The following GABRB3 variants were observed in gnomAD, a reference collection of about 807,000 sequenced individuals.
GABRB3 encodes gamma-aminobutyric acid type A receptor subunit beta3.
GABRB3 carries 14 observed loss-of-function variants against 52.1 expected under a neutral mutation model. That is an observed-to-expected ratio of 0.27 (90% CI 0.18 to 0.42). GABRB3 has a LOEUF of 0.42. Ranked by LOEUF, GABRB3 falls within the 10% of genes least tolerant of loss-of-function variation. The pLI is 1.00. For synonymous variants in GABRB3, 260 were observed against 232.3 expected (o/e 1.12, Z -1.08); for missense variants, 307 against 609.1 (o/e 0.50, Z 5.22).
chr15:26,591,419 C>G (rs1891200013), intron 4 of GABRB3, among the ~76,000 whole-genome samples: 1 of 152,204 alleles, frequency 6.6e-6, no homozygotes. Context: ...TGAAGCATAA[C>G]TCCACTACCA....
intron 3 of GABRB3, among the ~76,000 whole-genome samples, chr15:26,685,685 A>C (rs181348913): frequency 2.0e-5 from 3 of 152,290 alleles, no homozygotes; most frequent in African/African-American, 7.2e-5. Flanking sequence ...ATTATTAAAG[A>C]GATCTAGTGA....
intron 3 of GABRB3, among the ~76,000 whole-genome samples, chr15:26,744,923 T>C (rs1890298628): frequency 6.6e-6 from 1 of 152,316 alleles, no homozygotes; most frequent in African/African-American, 2.4e-5. Context: ...AACTTGGTAA[T>C]TTATAAGGAA....
chr15:26,634,686 A>G (rs554533171), intron 3 of GABRB3, among the ~76,000 whole-genome samples: 2 of 152,140 alleles, frequency 1.3e-5, no homozygotes, highest in Non-Finnish European at 2.9e-5. Flanking sequence ...ACACTCTATA[A>G]GGGAGCAGAT....
intron 3 of GABRB3, among the ~76,000 whole-genome samples, chr15:26,756,004 T>C (rs1332627410): frequency 6.6e-6 from 1 of 151,898 alleles, no homozygotes; most frequent in Non-Finnish European, 1.5e-5. Context: ...AGCACAAGAG[T>C]ATCTATAATA....
At position 26,615,890 on chromosome 15, in the gene GABRB3, G is replaced by C. The variant is rs148607086; in HGVS notation, c.461+5424C>G. ...ACAGCCAGTCCAACCAGTATTTCAA[G>C]CACATAATCAGTAGGAAAGCAATCT... On this transcript the variant is annotated intron_variant, in intron 4 of 8. Transcript: ENST00000311550. 562 of 1,262,102 alleles carry C rather than the reference G, an allele frequency of 4.5e-4. 2 individuals carry two copies. The African/African-American group carries it at 7.8e-3, about 18-fold the overall frequency. The allele number at this position is 1,262,102 out of a possible 1,614,324, so 78.2% of individuals were successfully genotyped here.
At chr15:26,736,002 T>C (rs1176196735) in intron 3 of GABRB3, among the ~76,000 whole-genome samples, 2 of 148,032 alleles carry the variant, frequency 1.4e-5, no homozygotes, top group East Asian at 1.9e-4. Flanking sequence ...TCCTATATAA[T>C]TCCATTTATA....
chr15:26,573,804 C>A (rs929799428), intron 6 of GABRB3, among the ~76,000 whole-genome samples: 3 of 152,178 alleles, frequency 2.0e-5, no homozygotes, highest in Non-Finnish European at 4.4e-5. Context: ...AATCTCAGCA[C>A]TTTGGGAGGC....
intron 3 of GABRB3, among the ~76,000 whole-genome samples, chr15:26,662,811 C>G (rs1040595801): frequency 4.6e-5 from 7 of 152,298 alleles, no homozygotes; most frequent in African/African-American, 1.7e-4. Flanking sequence ...AACACAGAGG[C>G]AACTCCAACA....
intron 3 of GABRB3, among the ~76,000 whole-genome samples, chr15:26,676,399 G>C (rs1198550008): frequency 2.0e-5 from 3 of 152,158 alleles, no homozygotes; most frequent in Non-Finnish European, 4.4e-5. Flanking sequence ...CCAACAAGGA[G>C]TGGACAGGCT....
chr15:26,583,920 G>A (rs375229455), intron 4 of GABRB3, among the ~76,000 whole-genome samples: 3 of 151,780 alleles, frequency 2.0e-5, no homozygotes, highest in Admixed American at 6.6e-5. Flanking sequence ...GACTACAGGC[G>A]CCTGCCACCA....
intron 3 of GABRB3, among the ~76,000 whole-genome samples, chr15:26,632,543 A>G (rs1336844740): frequency 6.6e-6 from 1 of 152,228 alleles, no homozygotes; most frequent in African/African-American, 2.4e-5. Context: ...GCACTGACCT[A>G]CATTCAGAGG....
chr15:26,602,362 G>T lies in GABRB3; in HGVS notation c.462-18948C>A, dbSNP rs537585899. 5.1e-4 allele frequency among the ~76,000 whole-genome samples: 77 copies of T among 152,148 alleles called. 1 individual carries two copies. The highest frequency in any genetic ancestry group is 1.8e-3 in the African/African-American group (74 of 41,542). On this transcript the variant is annotated intron_variant, in intron 4 of 8. Transcript: ENST00000311550. ...CATTGGACAAATCTCCCCGATAGAA[G>T]ATCAACAAAGAAACATAAGACTTAA...
chr15:26,568,071 T>G (rs903753055), intron 6 of GABRB3, among the ~76,000 whole-genome samples: 1 of 152,240 alleles, frequency 6.6e-6, no homozygotes, highest in Non-Finnish European at 1.5e-5. Flanking sequence ...CCTTCTTCCT[T>G]GTAGACAGCG....
At chr15:26,767,008 C>T (rs972643889) in intron 3 of GABRB3, 7 of 152,138 alleles carry the variant, frequency 4.6e-5, no homozygotes, top group Non-Finnish European at 1.0e-4. Context: ...TACTAAAGAG[C>T]GTATTATATA....
At chr15:26,551,230 GGAA>G (rs1405894717) in intron 8 of GABRB3, among the ~76,000 whole-genome samples, 9 of 152,182 alleles carry the variant, frequency 5.9e-5, no homozygotes, top group South Asian at 2.1e-4. Flanking sequence ...TTAGGAAACA[GGAA>G]GAAGAGTACT....
chr15:26,591,663 C>T (rs75890664), intron 4 of GABRB3, among the ~76,000 whole-genome samples: 2,430 of 152,180 alleles, frequency 0.016, 63 homozygotes, highest in African/African-American at 0.055. Flanking sequence ...TTCAACCCTC[C>T]GAAGAGGAAG....
Position 26,544,102 on chromosome 15 carries a change from G to A in GABRB3, c.*3691C>T, listed in dbSNP as rs1472649254. 6.6e-6 allele frequency: 1 copy of A among 152,412 alleles called. No homozygotes were observed. Among genetic ancestry groups the A allele is most frequent in the Non-Finnish European group, 1.5e-5 (1 of 68,022 alleles). 9.4% of individuals were successfully genotyped at this position (152,412 alleles called of 1,614,324 possible). A position where few individuals can be genotyped will look rare whatever the true frequency, so the allele number is the denominator to read the frequency against. On this transcript the variant is annotated 3_prime_UTR_variant, in exon 9 of 9. Transcript: ENST00000311550. The stretch of plus-strand genomic sequence containing the variant: ...AGAGTAACAAAATGTTTCACCAATT[G>A]TTCAGTTTTGCTTACATAAAATGGC...
At chr15:26,629,328 C>G (rs947995445) in intron 3 of GABRB3, 2 of 611,102 alleles carry the variant, frequency 3.3e-6, no homozygotes, top group African/African-American at 3.8e-5. Flanking sequence ...AGCTCAGGAG[C>G]CTGGCGGGCA....
intron 8 of GABRB3, among the ~76,000 whole-genome samples, chr15:26,553,146 T>TTTTTG (rs766809752): frequency 2.0e-5 from 3 of 152,078 alleles, no homozygotes; most frequent in Non-Finnish European, 4.4e-5. Flanking sequence ...TTATAGGTGT[T>TTTTTG]TTTTGTTTTG....
Sources: allele counts gnomAD v4.1 joint callset (sites outside exome capture counted in the v4.1 genomes callset), GRCh38; gene constraint gnomAD v4.1.1; transcripts MANE v1.5; gene names NCBI Gene and HGNC (gene_info 2026-07-23, HGNC 2026-07-21).